PDE7B: variants seen among roughly 807,000 people sequenced by gnomAD.
PDE7B encodes the protein phosphodiesterase 7B.
In PDE7B, 29 loss-of-function variants were observed where a neutral mutation model predicts 56.2. That is an observed-to-expected ratio of 0.52 (90% confidence interval 0.38 to 0.70). The LOEUF (loss-of-function observed/expected upper bound fraction) is 0.70. PDE7B is among the 30% of genes least tolerant of loss of function. PDE7B has a pLI of 0.00. For missense variants in PDE7B, 490 were observed against 565.0 expected, an observed-to-expected ratio of 0.87 and a Z score of 1.35; for synonymous variants, 197 against 196.9, an observed-to-expected ratio of 1.00 and a Z score of 0.00.
chr6:135,889,428 A>G (rs889528515), intron 1 of PDE7B, among the ~76,000 whole-genome samples: 1 of 149,816 alleles, frequency 6.7e-6, no homozygotes, highest in Non-Finnish European at 1.5e-5. Context: ...CCGCACCCGA[A>G]TGGTGCTACC....
chr6:135,890,813 C>T (rs931002731), intron 1 of PDE7B, among the ~76,000 whole-genome samples: 1 of 152,148 alleles, frequency 6.6e-6, no homozygotes, highest in Non-Finnish European at 1.5e-5. Context: ...CCATATAGGA[C>T]TCTGATATTA....
intron 8 of PDE7B, chr6:136,156,161 A>ATGTGTGTGTGTG: frequency 4.2e-6 from 1 of 240,234 alleles, no homozygotes; most frequent in Admixed American, 6.2e-5. Flanking sequence ...AGAATGATCC[A>ATGTGTGTGTGTG]AGTGTGTGTG....
intron 3 of PDE7B, among the ~76,000 whole-genome samples, chr6:136,116,146 C>T (rs2128442823): frequency 6.6e-6 from 1 of 152,250 alleles, no homozygotes; most frequent in East Asian, 1.9e-4. Context: ...GTAACCTGAG[C>T]AGAAGAAGGC....
At chr6:135,961,281 A>G (rs9385750) in intron 2 of PDE7B, among the ~76,000 whole-genome samples, 3,023 of 89,266 alleles carry the variant, frequency 0.034, 76 homozygotes, top group African/African-American at 0.067. Flanking sequence ...GTGTGTGTGT[A>G]TGTGTGTGTG....
chr6:135,948,205 A>G (rs1207183707), intron 2 of PDE7B, among the ~76,000 whole-genome samples: 1 of 152,038 alleles, frequency 6.6e-6, no homozygotes, highest in Non-Finnish European at 1.5e-5. Context: ...GAAAGTTTCT[A>G]AACAGTAAAA....
chr6:135,965,990 C>G (rs1774990798), intron 2 of PDE7B, among the ~76,000 whole-genome samples: 1 of 152,018 alleles, frequency 6.6e-6, no homozygotes, highest in African/African-American at 2.4e-5. Flanking sequence ...GGAAAAAGTG[C>G]CTGCAGTATA....
At chr6:136,048,871 A>G (rs1372517285) in intron 2 of PDE7B, 1 of 152,160 alleles carries the variant, frequency 6.6e-6, no homozygotes, top group African/African-American at 2.4e-5. Flanking sequence ...GTGCTATAGT[A>G]TTTTACACAG....
intron 3 of PDE7B, among the ~76,000 whole-genome samples, chr6:136,110,411 G>A (rs1288883093): frequency 1.3e-5 from 2 of 152,110 alleles, no homozygotes; most frequent in Admixed American, 1.3e-4. Context: ...ATGAGCAAGG[G>A]GTTCCATTTC....
intron 2 of PDE7B, chr6:136,038,245 C>T: frequency 2.3e-6 from 3 of 1,300,562 alleles, no homozygotes; most frequent in African/African-American, 3.0e-5. Flanking sequence ...GCAGCAGCAG[C>T]AGCACCACCA....
chr6:135,974,330 G>GTGTA (rs137868122), intron 2 of PDE7B, among the ~76,000 whole-genome samples: 1 of 150,594 alleles, frequency 6.6e-6, no homozygotes, highest in Non-Finnish European at 1.5e-5. Context: ...ATGTGTGTGT[G>GTGTA]TATATATATA....
chr6:136,028,188 G>A (rs1158905524), intron 2 of PDE7B, among the ~76,000 whole-genome samples: 1 of 152,262 alleles, frequency 6.6e-6, no homozygotes, highest in African/African-American at 2.4e-5. Flanking sequence ...AAGAAGTATG[G>A]TTCAACAGCC....
intron 2 of PDE7B, among the ~76,000 whole-genome samples, chr6:136,015,081 C>A (rs1775955236): frequency 6.6e-6 from 1 of 152,226 alleles, no homozygotes; most frequent in Non-Finnish European, 1.5e-5. Flanking sequence ...CCAAAAGCAG[C>A]ACCAGAGCCA....
In PDE7B at chr6:136,193,291, C is replaced by T. The variant is rs984315915; in HGVS notation, c.*1451C>T. ...TGGTTGGTGTGCATTTCTTTAGTGT[C>T]GATAGTAACTGGATTTTTCTTTTTC... is the stretch of plus-strand genomic sequence containing the variant. On this transcript the variant is annotated 3_prime_UTR_variant, in exon 13 of 13. Transcript: ENST00000308191. 16 of 152,580 alleles carry T rather than the reference C, an allele frequency of 1.0e-4. No individual in the cohort carries two copies. Among genetic ancestry groups the T allele is most frequent in the Admixed American group, 2.0e-4 (3 of 15,280 alleles). 9.5% of individuals were successfully genotyped at this position (152,580 alleles called of 1,614,324 possible). A position where few individuals can be genotyped will look rare whatever the true frequency, so the allele number is the denominator to read the frequency against.
At chr6:135,951,457 G>C (rs1774697093) in intron 2 of PDE7B, among the ~76,000 whole-genome samples, 1 of 152,126 alleles carries the variant, frequency 6.6e-6, no homozygotes, top group South Asian at 2.1e-4. Context: ...AATGAAAACT[G>C]TTGGGCAAAA....
In PDE7B at chr6:135,988,908, TAATCTC is replaced by T. The variant is rs1775427418; in HGVS notation, c.82+41389_82+41394del. Reference sequence around the variant, plus strand: ...TTGGTAAGCTTGTTGCAAGGAAACTTAATCTCAATCGAAAATAAAATCGATCTGTCT... The same window carrying T: ...TTGGTAAGCTTGTTGCAAGGAAACTTAATCGAAAATAAAATCGATCTGTCT... On this transcript the variant is annotated intron_variant, in intron 2 of 12. Transcript: ENST00000308191. 3.3e-5 allele frequency among the ~76,000 whole-genome samples: 5 copies of T among 152,314 alleles called. No individual in the cohort carries two copies. The South Asian group carries it at 1.0e-3, about 32-fold the overall frequency.
intron 1 of PDE7B, among the ~76,000 whole-genome samples, chr6:135,941,311 T>C (rs1394196599): frequency 2.0e-5 from 3 of 152,236 alleles, no homozygotes; most frequent in African/African-American, 7.2e-5. Flanking sequence ...TTTGTTCTGG[T>C]TGATTTTGTT....
At chr6:135,852,376 T>C (rs1774958195) in intron 1 of PDE7B, among the ~76,000 whole-genome samples, 3 of 152,146 alleles carry the variant, frequency 2.0e-5, no homozygotes, top group African/African-American at 4.8e-5. Flanking sequence ...GTAATTTTCA[T>C]TTTTGGTGGG....
chr6:136,187,207 G>A (rs1441590755), intron 12 of PDE7B, 91 bp downstream of exon 12: 1 of 727,262 alleles, frequency 1.4e-6, no homozygotes, highest in Non-Finnish European at 2.4e-6. Context: ...GCTTTCAAAA[G>A]ATCAGCACTG....
At chr6:135,963,168 A>G (rs544688616) in intron 2 of PDE7B, among the ~76,000 whole-genome samples, 5 of 152,298 alleles carry the variant, frequency 3.3e-5, no homozygotes, top group East Asian at 3.9e-4. Context: ...ACATGGAGAC[A>G]CAGCCTGCCT....
Sources: gnomAD v4.1 joint callset for allele counts (sites outside exome capture counted in the v4.1 genomes callset) on GRCh38, gnomAD v4.1.1 for gene constraint, MANE v1.5 for transcripts, NCBI Gene and HGNC (gene_info 2026-07-23, HGNC 2026-07-21) for gene names.